Variants in VPS45 observed in about 807,000 individuals in gnomAD.
VPS45 encodes the protein vacuolar protein sorting-associated protein 45.
In VPS45, 35 loss-of-function variants were observed where a neutral mutation model predicts 75.9. The observed-to-expected ratio is 0.46, with a 90% confidence interval of 0.35 to 0.61. The LOEUF is 0.61. Ranked by LOEUF, VPS45 falls within the 20% of genes least tolerant of loss-of-function variation. The probability of loss-of-function intolerance (pLI) is 0.00; values close to 1 mark genes in which losing one functional copy is unlikely to be tolerated. For synonymous variants in VPS45, 220 were observed against 238.2 expected, an observed-to-expected ratio of 0.92 and a Z score of 0.70; for missense variants, 559 against 685.9, an observed-to-expected ratio of 0.81 and a Z score of 2.07.
At chr1:150,136,204 G>A (rs782211771) in intron 14 of VPS45, among the ~76,000 whole-genome samples, 1 of 132,116 alleles carries the variant, frequency 7.6e-6, no homozygotes, top group Non-Finnish European at 1.6e-5. Flanking sequence ...AGCCGAGATC[G>A]TCCCACTGCA....
intron 14 of VPS45, among the ~76,000 whole-genome samples, chr1:150,133,297 A>G (rs868952771): frequency 2.6e-4 from 40 of 151,960 alleles, no homozygotes; most frequent in African/African-American, 9.7e-4. Context: ...CGCCTGTAAT[A>G]TCAGCACTTT....
intron 7 of VPS45, among the ~76,000 whole-genome samples, chr1:150,078,040 A>G (rs955679965): frequency 6.6e-5 from 10 of 152,006 alleles, no homozygotes; most frequent in African/African-American, 1.9e-4. Flanking sequence ...TGTAGATTCT[A>G]TTTCCCTGTG....
intron 13 of VPS45, among the ~76,000 whole-genome samples, chr1:150,100,883 G>A (rs1356692813): frequency 1.3e-5 from 2 of 152,132 alleles, no homozygotes; most frequent in African/African-American, 4.8e-5. Flanking sequence ...AACCCTGGAG[G>A]ACAACCTAGG....
intron 3 of VPS45, among the ~76,000 whole-genome samples, chr1:150,074,271 C>T (rs1385035299): frequency 1.3e-5 from 2 of 152,040 alleles, no homozygotes; most frequent in East Asian, 3.8e-4. Flanking sequence ...GATACGCCCG[C>T]TTCAGCCTCC....
In VPS45 at chr1:150,080,441, G is replaced by A. The variant is rs144820518; in HGVS notation, c.688-901G>A. Among the ~76,000 whole-genome samples, 7 of 152,320 alleles carry A rather than the reference G, an allele frequency of 4.6e-5. No individual in the cohort carries two copies. In the East Asian group the frequency reaches 1.2e-3, roughly 25 times the overall value. ...TTACAGGCATGAGCCACCATGCCCA[G>A]CCTTGTTGTACTTATTTTAAGTGCG... On this transcript the variant is annotated intron_variant, in intron 7 of 14. Transcript: ENST00000644510.
At chr1:150,068,939 C>T (rs1553796432) in intron 2 of VPS45, 175 bp downstream of exon 2, 2 of 628,940 alleles carry the variant, frequency 3.2e-6, no homozygotes, top group African/African-American at 3.8e-5. Flanking sequence ...TTCAGTTGAC[C>T]CCTTACAGCC....
intron 14 of VPS45, among the ~76,000 whole-genome samples, chr1:150,140,860 A>G (rs1571925682): frequency 6.6e-6 from 1 of 152,380 alleles, no homozygotes; most frequent in East Asian, 1.9e-4. Context: ...AAGAATGAGT[A>G]CGTAACTCTA....
chr1:150,094,083 G>C (rs1192786663), intron 13 of VPS45, among the ~76,000 whole-genome samples: 1 of 152,150 alleles, frequency 6.6e-6, no homozygotes, highest in African/African-American at 2.4e-5. Flanking sequence ...ATTAATAAAG[G>C]CCATTTGTTA....
At chr1:150,090,966 A>G (rs1193704897) in intron 10 of VPS45, among the ~76,000 whole-genome samples, 1 of 152,220 alleles carries the variant, frequency 6.6e-6, no homozygotes, top group Non-Finnish European at 1.5e-5. Flanking sequence ...TAGGATTATC[A>G]TCTTTTTTTC....
chr1:150,117,891 AAGAT>A (rs1658025188), intron 14 of VPS45, among the ~76,000 whole-genome samples: 1 of 151,764 alleles, frequency 6.6e-6, no homozygotes, highest in African/African-American at 2.4e-5. Context: ...TTTAGATAGA[AAGAT>A]AGATTAGTAA....
chr1:150,071,288 T>C (rs1553796975), intron 2 of VPS45, among the ~76,000 whole-genome samples: 1 of 152,212 alleles, frequency 6.6e-6, no homozygotes, highest in Non-Finnish European at 1.5e-5. Context: ...AATCAACTTT[T>C]TTGTTTTAAA....
intron 13 of VPS45, among the ~76,000 whole-genome samples, chr1:150,105,138 A>G (rs1657247899): frequency 6.6e-6 from 1 of 152,174 alleles, no homozygotes; most frequent in Non-Finnish European, 1.5e-5. Context: ...AAATAGTAAG[A>G]GCCATATATG....
intron 14 of VPS45, among the ~76,000 whole-genome samples, chr1:150,122,387 C>T (rs1241355535): frequency 7.2e-5 from 11 of 152,140 alleles, no homozygotes; most frequent in African/African-American, 2.7e-4. Flanking sequence ...GGCACAGCCA[C>T]AGCCATGTCC....
intron 13 of VPS45, among the ~76,000 whole-genome samples, chr1:150,105,719 C>A (rs113845972): frequency 6.6e-6 from 1 of 152,146 alleles, no homozygotes; most frequent in African/African-American, 2.4e-5. Flanking sequence ...CAATTCCTAT[C>A]AATTTACCAA....
intron 10 of VPS45, among the ~76,000 whole-genome samples, chr1:150,090,575 C>T (rs1180234682): frequency 6.6e-6 from 1 of 152,016 alleles, no homozygotes; most frequent in Non-Finnish European, 1.5e-5. Flanking sequence ...TAAATCAGAG[C>T]CCTAATAAAA....
chr1:150,138,079 T>G (rs1553814347), intron 14 of VPS45, among the ~76,000 whole-genome samples: 3 of 152,152 alleles, frequency 2.0e-5, no homozygotes, highest in Non-Finnish European at 2.9e-5. Context: ...CTCTAATTCC[T>G]TCCCTCACAT....
intron 10 of VPS45, among the ~76,000 whole-genome samples, chr1:150,090,921 A>C (rs1332154181): frequency 6.6e-6 from 1 of 152,234 alleles, no homozygotes; most frequent in Non-Finnish European, 1.5e-5. Flanking sequence ...TCTTGAAGCT[A>C]CAAAACCAGA....
intron 14 of VPS45, among the ~76,000 whole-genome samples, chr1:150,116,113 G>A (rs1296958269): frequency 6.6e-6 from 1 of 152,144 alleles, no homozygotes; most frequent in African/African-American, 2.4e-5. Flanking sequence ...TTCTAGAAAT[G>A]GAAGTGTCAG....
chr1:150,082,682 A>G (rs782450749), intron 9 of VPS45, 34 bp from the exon 10 acceptor site: 72 of 1,597,654 alleles, frequency 4.5e-5, no homozygotes, highest in Admixed American at 8.6e-5. Context: ...TCAAAAAATA[A>G]CAGAACCTCC....
Sources: gnomAD v4.1 joint callset for allele counts (sites outside exome capture counted in the v4.1 genomes callset) on GRCh38, gnomAD v4.1.1 for gene constraint, MANE v1.5 for transcripts, NCBI Gene and HGNC (gene_info 2026-07-23, HGNC 2026-07-21) for gene names.